The following RALGAPA2 variants were observed in gnomAD, a reference collection of about 807,000 sequenced individuals.
RALGAPA2 encodes Ral GTPase activating protein catalytic subunit alpha 2.
Under a neutral mutation model 230.4 loss-of-function variants are expected in RALGAPA2, and 139 were observed. The observed-to-expected ratio is 0.60, with a 90% CI of 0.53 to 0.69. RALGAPA2 has a LOEUF of 0.69. Among genes scored for constraint, RALGAPA2 ranks in the 30% least tolerant of loss-of-function variants. The pLI, the probability that RALGAPA2 is intolerant of heterozygous loss-of-function variation, is 0.00. For synonymous variants in RALGAPA2, 847 were observed against 837.8 expected, an observed-to-expected ratio of 1.01 and a Z score of -0.19; for missense variants, 2,163 against 2,276.0, an observed-to-expected ratio of 0.95 and a Z score of 1.01.
intron 37 of RALGAPA2, among the ~76,000 whole-genome samples, chr20:20,436,255 G>A (rs921446356): frequency 6.6e-6 from 1 of 152,198 alleles, no homozygotes; most frequent in Admixed American, 6.5e-5. Context: ...AAAACCCCAC[G>A]AAGAAACCAG....
intron 1 of RALGAPA2, among the ~76,000 whole-genome samples, chr20:20,681,626 G>A (rs142318299): frequency 6.6e-6 from 1 of 152,314 alleles, no homozygotes; most frequent in East Asian, 1.9e-4. Flanking sequence ...GGTTGTTTGT[G>A]CCATTTACAG....
At chr20:20,511,198 T>C in intron 33 of RALGAPA2, 56 bp downstream of exon 33, 1 of 1,540,762 alleles carries the variant, frequency 6.5e-7, no homozygotes, top group South Asian at 1.2e-5. Flanking sequence ...GTATCTGTTA[T>C]CCAAGAATAC....
chr20:20,400,294 T>C (rs2059805024), intron 38 of RALGAPA2, among the ~76,000 whole-genome samples: 1 of 152,220 alleles, frequency 6.6e-6, no homozygotes, highest in Non-Finnish European at 1.5e-5. Flanking sequence ...GCTCTGACTC[T>C]GGGTTTGGCT....
intron 37 of RALGAPA2, among the ~76,000 whole-genome samples, chr20:20,418,329 G>T (rs1236673957): frequency 6.6e-6 from 1 of 152,162 alleles, no homozygotes. Context: ...GCCAAACACA[G>T]AATATGTAAT....
intron 33 of RALGAPA2, among the ~76,000 whole-genome samples, chr20:20,509,525 C>A (rs2062639201): frequency 6.6e-6 from 1 of 152,314 alleles, no homozygotes; most frequent in South Asian, 2.1e-4. Flanking sequence ...AAAAGGCCCT[C>A]ATGTCCCCTT....
chr20:20,602,380 A>T (rs148262915), intron 15 of RALGAPA2, among the ~76,000 whole-genome samples: 63 of 152,378 alleles, frequency 4.1e-4, no homozygotes, highest in African/African-American at 1.5e-3. Context: ...CAAAGGTCCA[A>T]AACAATAAAA....
At chr20:20,689,895 C>G (rs946883348) in intron 1 of RALGAPA2, among the ~76,000 whole-genome samples, 1 of 152,164 alleles carries the variant, frequency 6.6e-6, no homozygotes, top group Non-Finnish European at 1.5e-5. Context: ...TCCCACAAAC[C>G]GAAATACCAG....
At chr20:20,649,211 G>A (rs1307387276) in intron 4 of RALGAPA2, among the ~76,000 whole-genome samples, 1 of 152,172 alleles carries the variant, frequency 6.6e-6, no homozygotes, top group Non-Finnish European at 1.5e-5. Context: ...GGAGTCCTGT[G>A]TGAAGTGCAC....
intron 37 of RALGAPA2, among the ~76,000 whole-genome samples, chr20:20,443,224 C>T (rs2060778746): frequency 6.6e-6 from 1 of 152,190 alleles, no homozygotes; most frequent in Admixed American, 6.5e-5. Flanking sequence ...ATCTGTAAAA[C>T]TACCGTGGCG....
At chr20:20,471,988 A>AC (rs2061551857) in intron 37 of RALGAPA2, 1 of 152,206 alleles carries the variant, frequency 6.6e-6, no homozygotes, top group South Asian at 2.1e-4. Flanking sequence ...ATAGAGGTCA[A>AC]ACACAATATG....
At chr20:20,651,583 A>C (rs1319680468) in intron 4 of RALGAPA2, among the ~76,000 whole-genome samples, 2 of 152,222 alleles carry the variant, frequency 1.3e-5, no homozygotes, top group African/African-American at 4.8e-5. Context: ...TACTTGTACC[A>C]GCAATTTTAA....
intron 20 of RALGAPA2, among the ~76,000 whole-genome samples, chr20:20,580,466 T>G (rs887833830): frequency 6.6e-6 from 1 of 152,168 alleles, no homozygotes; most frequent in Non-Finnish European, 1.5e-5. Context: ...ACCAGGAAAC[T>G]AGAAACAGCC....
chr20:20,477,901 T>C (rs978152617), intron 36 of RALGAPA2, among the ~76,000 whole-genome samples: 17 of 152,204 alleles, frequency 1.1e-4, no homozygotes, highest in African/African-American at 3.6e-4. Flanking sequence ...TTACACATTT[T>C]CTATGGCTAC....
intron 3 of RALGAPA2, among the ~76,000 whole-genome samples, chr20:20,668,613 C>G (rs2068034579): frequency 6.6e-6 from 1 of 152,142 alleles, no homozygotes; most frequent in African/African-American, 2.4e-5. Context: ...TAAGGGATAA[C>G]TATGGATATC....
Position 20,629,487 on chromosome 20 carries a change from C to T in RALGAPA2, c.1109G>A (p.Arg370Gln), listed in dbSNP as rs776538646. ...ACAGAGGCTGGAGTTGCTGAGTCTT[C>T]GGTCCGACAAGGTGCTGCTGTTAGA... ...SHSNSSTLSD[R>Q]RLSNSSLCSI... The change falls in exon 10 of 40, where the codon CGA becomes CAA. Residue 370 changes from arginine (R) to glutamine (Q), a missense_variant. Arg to Gln is a conservative substitution (Grantham distance 43). Coordinates refer to ENST00000202677, the MANE Select transcript of RALGAPA2 (RefSeq NM_020343.4). 16 of 1,613,816 alleles carry T rather than the reference C, an allele frequency of 9.9e-6. No homozygotes were observed. The East Asian group carries it at 1.3e-4, about 13-fold the overall frequency.
intron 1 of RALGAPA2, among the ~76,000 whole-genome samples, chr20:20,683,067 G>C (rs575156999): frequency 6.6e-6 from 1 of 152,340 alleles, no homozygotes; most frequent in South Asian, 2.1e-4. Context: ...TTCCGTCCCA[G>C]TAAGTTGGAA....
chr20:20,659,865 G>C, intron 3 of RALGAPA2: 1 of 566,508 alleles, frequency 1.8e-6, no homozygotes, highest in South Asian at 1.4e-5. Context: ...GACCAGCAGA[G>C]CATCCCCTAC....
chr20:20,486,546 GTTTCCTGTGC>G (rs1030734973), intron 36 of RALGAPA2, among the ~76,000 whole-genome samples: 2 of 151,872 alleles, frequency 1.3e-5, no homozygotes, highest in African/African-American at 2.4e-5. Context: ...TTCTTTTTTG[GTTTCCTGTGC>G]TTTGTATGTG....
intron 37 of RALGAPA2, among the ~76,000 whole-genome samples, chr20:20,436,049 C>G (rs2060604736): frequency 6.6e-6 from 1 of 152,174 alleles, no homozygotes; most frequent in Non-Finnish European, 1.5e-5. Flanking sequence ...GCAAAAGCAG[C>G]ATTTCATATG....
Sources: allele counts gnomAD v4.1 joint callset (sites outside exome capture counted in the v4.1 genomes callset), GRCh38; gene constraint gnomAD v4.1.1; transcripts MANE v1.5; gene names NCBI Gene and HGNC (gene_info 2026-07-23, HGNC 2026-07-21).